The following PHACTR4 variants were observed in gnomAD, a reference collection of about 807,000 sequenced individuals.
The protein encoded by PHACTR4 is protein phosphatase 1, regulatory subunit 124.
A neutral mutation model predicts 72.7 loss-of-function variants in PHACTR4; 51 were observed. That is an observed-to-expected ratio of 0.70 (90% confidence interval 0.56 to 0.89). PHACTR4 has a LOEUF of 0.89. Among genes scored for constraint, PHACTR4 ranks in the 40% least tolerant of loss-of-function variants. The probability of loss-of-function intolerance (pLI) is 0.00; values close to 1 mark genes in which losing one functional copy is unlikely to be tolerated. For synonymous variants in PHACTR4, 255 were observed against 302.5 expected, an observed-to-expected ratio of 0.84 and a Z score of 1.63; for missense variants, 731 against 861.8, an observed-to-expected ratio of 0.85 and a Z score of 1.90.
intron 1 of PHACTR4, among the ~76,000 whole-genome samples, chr1:28,405,943 A>C (rs1047527098): frequency 2.0e-5 from 3 of 152,226 alleles, no homozygotes; most frequent in South Asian, 2.1e-4. Flanking sequence ...CACAGAACCC[A>C]GATTTCTATC....
At chr1:28,473,509 G>A (rs781769122) in intron 6 of PHACTR4, 45 bp from the exon 7 acceptor site, 1 of 1,448,704 alleles carries the variant, frequency 6.9e-7, no homozygotes, top group Non-Finnish European at 9.5e-7. Context: ...GCCCTTCAAA[G>A]CATTGGAAAG....
intron 4 of PHACTR4, 54 bp from the exon 5 acceptor site, chr1:28,465,631 T>C: frequency 6.6e-7 from 1 of 1,524,584 alleles, no homozygotes; most frequent in Non-Finnish European, 8.9e-7. Flanking sequence ...CTAACTCTTC[T>C]TTCTATCTGT....
intron 3 of PHACTR4, 91 bp downstream of exon 3, chr1:28,459,349 G>A: frequency 1.0e-6 from 1 of 993,728 alleles, no homozygotes; most frequent in Non-Finnish European, 1.5e-6. Context: ...AGTTTCTGTA[G>A]TCCTCTATTT....
intron 4 of PHACTR4, among the ~76,000 whole-genome samples, chr1:28,464,685 T>G (rs1659026506): frequency 1.3e-5 from 2 of 152,144 alleles, no homozygotes; most frequent in African/African-American, 4.8e-5. Context: ...TATATATAAG[T>G]TTGCCCTATT....
chr1:28,473,809 C>T lies in PHACTR4; in HGVS notation c.1079C>T (p.Pro360Leu). The T allele has an allele frequency of 6.2e-7, 1 of 1,614,128 alleles. No homozygotes were observed. The highest frequency in any genetic ancestry group is 8.5e-7 in the Non-Finnish European group (1 of 1,180,036). Residue 360 changes from proline (P) to leucine (L), a missense_variant, in exon 7 of 14, where the codon CCA (proline) becomes CTA (leucine). Coordinates refer to ENST00000373839, the MANE Select transcript of PHACTR4 (RefSeq NM_001048183.3). ...HIPPEPPRTPPFPAKTFQVVP... is the reference protein window; with the variant it reads ...HIPPEPPRTPLFPAKTFQVVP... Reference sequence around the variant, plus strand: ...CCTCCAGAGCCTCCACGCACCCCTCCATTCCCTGCTAAGACTTTTCAAGTT... The same window carrying T: ...CCTCCAGAGCCTCCACGCACCCCTCTATTCCCTGCTAAGACTTTTCAAGTT...
chr1:28,491,016 C>T lies in PHACTR4; in HGVS notation c.1878+4C>T. ...TAAACGTCGGCTCACTAGAAAGGTA[C>T]TACTGCCTGTGTGTTCAGTTAACTA... On this transcript the variant is annotated splice_donor_region_variant and intron_variant, in intron 11 of 13. Transcript: ENST00000373839. 1 of 1,611,930 alleles carries T rather than the reference C, an allele frequency of 6.2e-7. No individual in the cohort carries two copies.
chr1:28,455,084 G>T (rs902046851), intron 2 of PHACTR4, among the ~76,000 whole-genome samples: 2 of 151,650 alleles, frequency 1.3e-5, no homozygotes, highest in Non-Finnish European at 2.9e-5. Flanking sequence ...TGGCCAGGCT[G>T]GTCTCAACCT....
chr1:28,488,934 A>G (rs985759395), intron 9 of PHACTR4, among the ~76,000 whole-genome samples: 1 of 152,196 alleles, frequency 6.6e-6, no homozygotes, highest in African/African-American at 2.4e-5. Flanking sequence ...GTCTAGAACT[A>G]GAATCCTGGC....
intron 12 of PHACTR4, 52 bp from the exon 13 acceptor site, chr1:28,492,963 G>T: frequency 1.4e-6 from 2 of 1,477,174 alleles, no homozygotes; most frequent in Non-Finnish European, 1.9e-6. Flanking sequence ...AAGTTACACT[G>T]CTGTGCAAAG....
intron 4 of PHACTR4, among the ~76,000 whole-genome samples, chr1:28,461,907 A>G (rs1658836253): frequency 1.4e-5 from 2 of 144,592 alleles, no homozygotes; most frequent in Admixed American, 1.4e-4. Context: ...TTTGTTTTAT[A>G]TAACTCTATT....
chr1:28,459,048 C>T (rs541516912), intron 2 of PHACTR4, 37 bp from the exon 3 acceptor site: 6 of 1,543,184 alleles, frequency 3.9e-6, no homozygotes, highest in African/African-American at 2.8e-5. Context: ...TGAAATAATA[C>T]ATTTGCTTCC....
intron 3 of PHACTR4, 68 bp downstream of exon 3, chr1:28,459,326 C>T: frequency 7.3e-7 from 1 of 1,371,806 alleles, no homozygotes. Flanking sequence ...TTTAATTTTT[C>T]CTTATCTTCC....
intron 7 of PHACTR4, 105 bp from the exon 8 acceptor site, chr1:28,476,002 A>T: frequency 9.0e-7 from 1 of 1,106,160 alleles, no homozygotes; most frequent in Non-Finnish European, 1.2e-6. Flanking sequence ...TGCTGGGATT[A>T]CAGCCATGAG....
At position 28,458,997 on chromosome 1, in the gene PHACTR4, A is replaced by G. The variant is rs531009263; in HGVS notation, c.17-88A>G. 13 of 1,227,644 alleles carry G rather than the reference A, an allele frequency of 1.1e-5. No individual in the cohort carries two copies. In the South Asian group the frequency reaches 1.2e-4, roughly 11 times the overall value. 76.0% of individuals were successfully genotyped at this position (1,227,644 alleles called of 1,614,324 possible). On this transcript the variant is annotated intron_variant, in intron 2 of 13. Coordinates refer to ENST00000373839, the MANE Select transcript of PHACTR4 (RefSeq NM_001048183.3). ...ATCGTTGCTCCGATCCTTTCCAACT[A>G]CCACAGGAAGAGAGGGGAAGGGACA...
chr1:28,405,998 T>C (rs1654299961), intron 1 of PHACTR4, among the ~76,000 whole-genome samples: 1 of 152,218 alleles, frequency 6.6e-6, no homozygotes, highest in South Asian at 2.1e-4. Flanking sequence ...TATGCCTCAA[T>C]TGACTGCTGG....
chr1:28,459,263 G>C lies in PHACTR4; in HGVS notation c.190+5G>C. 6.2e-7 allele frequency: 1 copy of C among 1,608,964 alleles called. No individual in the cohort carries two copies. The highest frequency in any genetic ancestry group is 1.1e-5 in the South Asian group (1 of 90,922). On this transcript the variant is annotated splice_donor_5th_base_variant and intron_variant, in intron 3 of 13. Transcript: ENST00000373839. ...AATTTAAAGAGACTTCAGAAGGTGAGATATTAAGGGTTAAATGTGTGTTCT... is the reference window on the plus strand; with the variant it reads ...AATTTAAAGAGACTTCAGAAGGTGACATATTAAGGGTTAAATGTGTGTTCT...
rs1651068687 is a variant in PHACTR4 at position 28,369,791 on chromosome 1, C to T, written c.-73C>T. The T allele has an allele frequency of 4.4e-6, 2 of 458,270 alleles. No homozygotes were observed. Among genetic ancestry groups the T allele is most frequent in the South Asian group, 1.6e-5 (1 of 64,310 alleles). 28.4% of individuals were successfully genotyped at this position (458,270 alleles called of 1,614,324 possible). A position where few individuals can be genotyped will look rare whatever the true frequency, so the allele number is the denominator to read the frequency against. ...CAGGTAGGATTTCCGGGAGAGGCTG[C>T]TGTGGAGGCTGAGGAGGCGGCGGCG... On this transcript the variant is annotated 5_prime_UTR_variant, in exon 1 of 14. Transcript: ENST00000373839.
At chr1:28,424,920 G>A (rs1655742618) in intron 2 of PHACTR4, among the ~76,000 whole-genome samples, 1 of 151,884 alleles carries the variant, frequency 6.6e-6, no homozygotes, top group Admixed American at 6.6e-5. Flanking sequence ...TCAGCCTCCT[G>A]GGAAGCTGGG....
intron 10 of PHACTR4, 46 bp downstream of exon 10, chr1:28,489,271 G>A (rs1660892388): frequency 1.3e-6 from 2 of 1,513,882 alleles, no homozygotes; most frequent in Non-Finnish European, 1.8e-6. Context: ...TTCTTTGTAT[G>A]TTTCTGACTT....
Sources: allele counts gnomAD v4.1 joint callset (sites outside exome capture counted in the v4.1 genomes callset), GRCh38; gene constraint gnomAD v4.1.1; transcripts MANE v1.5; gene names NCBI Gene and HGNC (gene_info 2026-07-23, HGNC 2026-07-21).